NEXMIF: variants seen among roughly 807,000 people sequenced by gnomAD.
The protein encoded by NEXMIF is XLMR protein related to neurite extension.
NEXMIF carries 8 observed loss-of-function variants against 62.1 expected under a neutral mutation model. The ratio of observed to expected loss-of-function variants is 0.13; its 90% CI spans 0.08 to 0.23. NEXMIF has a LOEUF of 0.23. Ranked by LOEUF, NEXMIF falls within the 10% of genes least tolerant of loss-of-function variation. The pLI, the probability that NEXMIF is intolerant of heterozygous loss-of-function variation, is 1.00. For missense variants in NEXMIF, 976 were observed against 1,113.3 expected, an observed-to-expected ratio of 0.88 and a Z score of 1.75; for synonymous variants, 404 against 416.6, an observed-to-expected ratio of 0.97 and a Z score of 0.37.
chrX:74,790,339 C>T (rs1447321106), intron 1 of NEXMIF, among the ~76,000 whole-genome samples: 1 of 113,013 alleles, frequency 8.8e-6, no homozygotes, highest in Non-Finnish European at 1.9e-5. Flanking sequence ...ATCTATATCT[C>T]TGTTTTGGTA....
At position 74,735,377 on chromosome X, in the gene NEXMIF, G is replaced by A. The variant is rs2080082584; in HGVS notation, c.*4028C>T. The A allele has an allele frequency of 9.0e-6, 1 of 111,636 alleles. No individual in the cohort carries two copies. Among genetic ancestry groups the A allele is most frequent in the South Asian group, 3.7e-4 (1 of 2,676 alleles). The allele number at this position is 111,636 out of a possible 1,213,427, so 9.2% of individuals were successfully genotyped here. A position where few individuals can be genotyped will look rare whatever the true frequency, so the allele number is the denominator to read the frequency against. ...GATCTACATCACACTGGTCCAGCTT[G>A]GTAATAGCAAGCATGGCTAAAAGGT... On this transcript the variant is annotated 3_prime_UTR_variant, in exon 4 of 4. Coordinates refer to ENST00000055682, the MANE Select transcript of NEXMIF (RefSeq NM_001008537.3).
chrX:74,787,408 G>C (rs1420197361), intron 1 of NEXMIF, among the ~76,000 whole-genome samples: 1 of 111,705 alleles, frequency 9.0e-6, no homozygotes, highest in African/African-American at 3.3e-5. Context: ...AATAAAGCAA[G>C]ACCTACATAG....
intron 1 of NEXMIF, among the ~76,000 whole-genome samples, chrX:74,837,829 A>G (rs1001450501): frequency 7.1e-5 from 8 of 111,929 alleles, no homozygotes; most frequent in Admixed American, 1.9e-4. Context: ...AGATTCTTAT[A>G]AGAAAGAATA....
intron 1 of NEXMIF, among the ~76,000 whole-genome samples, chrX:74,868,492 T>C (rs1330666014): frequency 9.0e-6 from 1 of 110,797 alleles, no homozygotes; most frequent in Non-Finnish European, 1.9e-5. Flanking sequence ...TGGATAGAGC[T>C]GGAAGCCATT....
chrX:74,858,594 T>A lies in NEXMIF; in HGVS notation c.-48+66289A>T, dbSNP rs371886598. Among the ~76,000 whole-genome samples the A allele has an allele frequency of 3.6e-5, 4 of 111,187 alleles. No homozygotes were observed. In the Admixed American group the frequency reaches 3.8e-4, roughly 11 times the overall value. ...GACTACGAAGATTACAATACACACT[T>A]AATTCTTCAATTAGTAGACACGGAT... is the stretch of plus-strand genomic sequence containing the variant. On this transcript the variant is annotated intron_variant, in intron 1 of 3. Transcript: ENST00000055682.
At chrX:74,884,070 A>G (rs894959389) in intron 1 of NEXMIF, among the ~76,000 whole-genome samples, 2 of 111,887 alleles carry the variant, frequency 1.8e-5, no homozygotes, top group African/African-American at 3.3e-5. Context: ...AAGGAGAAAT[A>G]AAATTCTTTA....
chrX:74,787,561 C>T (rs796459097), intron 1 of NEXMIF, among the ~76,000 whole-genome samples: 1 of 111,862 alleles, frequency 8.9e-6, no homozygotes, highest in South Asian at 3.8e-4. Flanking sequence ...ATGACAGATG[C>T]CAAGGATGCC....
intron 1 of NEXMIF, among the ~76,000 whole-genome samples, chrX:74,758,971 A>G (rs2080167777): frequency 1.8e-5 from 2 of 112,252 alleles, no homozygotes; most frequent in African/African-American, 6.5e-5. Flanking sequence ...TCTTTGAGGA[A>G]TTGCCACCTA....
intron 1 of NEXMIF, among the ~76,000 whole-genome samples, chrX:74,846,198 T>C (rs1423784633): frequency 8.9e-6 from 1 of 112,668 alleles, no homozygotes; most frequent in Admixed American, 9.4e-5. Context: ...TATCTCCTCC[T>C]TTTTGTTTAG....
intron 1 of NEXMIF, among the ~76,000 whole-genome samples, chrX:74,809,682 T>C (rs752314821): frequency 1.8e-5 from 2 of 111,671 alleles, no homozygotes; most frequent in South Asian, 7.6e-4. Context: ...GTTGAATTCG[T>C]GTTTCCTGAT....
rs752646121 is a variant in NEXMIF, at chrX:74,910,059, T to G, written c.-48+14824A>C. On this transcript the variant is annotated intron_variant, in intron 1 of 3. Coordinates refer to ENST00000055682, the MANE Select transcript of NEXMIF (RefSeq NM_001008537.3). ...GCTAGGGCAGTGCAGAAGAAAAATG[T>G]GGGGTTAGAGCCCCCACACAGAGTC... Among the ~76,000 whole-genome samples, 8 of 112,506 alleles carry G rather than the reference T, an allele frequency of 7.1e-5. No homozygotes were observed. In the East Asian group the frequency reaches 2.3e-3, roughly 32 times the overall value.
intron 1 of NEXMIF, among the ~76,000 whole-genome samples, chrX:74,800,075 G>A (rs1263366633): frequency 1.8e-5 from 2 of 111,731 alleles, no homozygotes; most frequent in Middle Eastern, 4.6e-3. Flanking sequence ...AGACCCAACA[G>A]CAGCAGAATA....
chrX:74,901,158 T>G (rs1335273311), intron 1 of NEXMIF, among the ~76,000 whole-genome samples: 1 of 112,104 alleles, frequency 8.9e-6, no homozygotes. Context: ...ATGGTAAATT[T>G]TATGTGTATT....
chrX:74,819,738 G>A (rs181253137), intron 1 of NEXMIF, among the ~76,000 whole-genome samples: 1,168 of 111,845 alleles, frequency 0.01, 17 homozygotes, highest in African/African-American at 0.035. Context: ...CACTGTTGGT[G>A]GGAGTGTAAA....
chrX:74,853,640 T>G (rs1212796065), intron 1 of NEXMIF, among the ~76,000 whole-genome samples: 1 of 110,530 alleles, frequency 9.0e-6, no homozygotes, highest in African/African-American at 3.3e-5. Context: ...CACTGGGAGT[T>G]TTCACCCTTT....
chrX:74,745,222 A>G (rs907619885), intron 2 of NEXMIF, among the ~76,000 whole-genome samples: 1 of 110,581 alleles, frequency 9.0e-6, no homozygotes, highest in Non-Finnish European at 1.9e-5. Flanking sequence ...ACCTCAAATG[A>G]TCTGCCCACC....
intron 1 of NEXMIF, among the ~76,000 whole-genome samples, chrX:74,873,627 T>C (rs961098884): frequency 3.8e-4 from 43 of 111,791 alleles, no homozygotes; most frequent in African/African-American, 1.3e-3. Context: ...AGTGTTCCTA[T>C]TTCTCCACAT....
At chrX:74,798,185 A>G (rs1451046807) in intron 1 of NEXMIF, among the ~76,000 whole-genome samples, 2 of 111,705 alleles carry the variant, frequency 1.8e-5, no homozygotes, top group Admixed American at 1.9e-4. Context: ...TAACTAGGTG[A>G]CAGGTTGATC....
At chrX:74,827,744 C>T (rs1396765604) in intron 1 of NEXMIF, among the ~76,000 whole-genome samples, 1 of 111,606 alleles carries the variant, frequency 9.0e-6, no homozygotes, top group African/African-American at 3.3e-5. Context: ...TAAACATGAA[C>T]TTGAAGTTGG....
Sources: gnomAD v4.1 joint callset for allele counts (sites outside exome capture counted in the v4.1 genomes callset) on GRCh38, gnomAD v4.1.1 for gene constraint, MANE v1.5 for transcripts, NCBI Gene and HGNC (gene_info 2026-07-23, HGNC 2026-07-21) for gene names.